ADAM19: variants seen among roughly 807,000 people sequenced by gnomAD.
The protein encoded by ADAM19 is disintegrin and metalloproteinase domain-containing protein 19.
ADAM19 carries 65 observed loss-of-function variants against 114.7 expected under a neutral mutation model. The ratio of observed to expected loss-of-function variants is 0.57; its 90% confidence interval spans 0.46 to 0.70. The LOEUF is 0.70. Among genes scored for constraint, ADAM19 ranks in the 30% least tolerant of loss-of-function variants. The pLI is 0.00. For missense variants in ADAM19, 1,063 were observed against 1,204.7 expected (o/e 0.88, Z 1.74); for synonymous variants, 466 against 460.5 (o/e 1.01, Z -0.15).
Position 157,575,735 on chromosome 5 carries a change from T to G in ADAM19, c.-39A>C. 2 of 1,279,386 alleles carry G rather than the reference T, an allele frequency of 1.6e-6. No homozygotes were observed. Among genetic ancestry groups the G allele is most frequent in the Non-Finnish European group, 2.0e-6 (2 of 1,010,940 alleles). 79.3% of individuals were successfully genotyped at this position (1,279,386 alleles called of 1,614,324 possible). A position where few individuals can be genotyped will look rare whatever the true frequency, so the allele number is the denominator to read the frequency against. Reference sequence around the variant, plus strand: ...CTTAGCGCTCGGCGCTCACACGCCCTCAGCCATACCTGCCCACTGCCCGGC... The same window carrying G: ...CTTAGCGCTCGGCGCTCACACGCCCGCAGCCATACCTGCCCACTGCCCGGC... On this transcript the variant is annotated 5_prime_UTR_variant, in exon 1 of 23. Coordinates refer to ENST00000257527, the MANE Select transcript of ADAM19 (RefSeq NM_033274.5).
chr5:157,536,854 CA>C (rs968104267), intron 4 of ADAM19, among the ~76,000 whole-genome samples: 1 of 152,190 alleles, frequency 6.6e-6, no homozygotes, highest in Non-Finnish European at 1.5e-5. Flanking sequence ...TGCTGTTCTC[CA>C]CACCACAACT....
Position 157,488,412 on chromosome 5 carries a change from C to T in ADAM19, c.2403G>A (p.Gly801=), listed in dbSNP as rs1755025936. 4 of 1,613,850 alleles carry T rather than the reference C, an allele frequency of 2.5e-6. No homozygotes were observed. The highest frequency in any genetic ancestry group is 3.4e-6 in the Non-Finnish European group (4 of 1,179,896). The part of the protein sequence containing the change: ...PRPPPDYLRG[G]SPPAPLPAHL... Reference sequence around the variant, plus strand: ...GAGCTGGCAGTGGTGCAGGTGGGGACCCACCACGCAGATAATCTGGAGGGG... The same window carrying T: ...GAGCTGGCAGTGGTGCAGGTGGGGATCCACCACGCAGATAATCTGGAGGGG... The change falls in exon 21 of 23, where the codon GGG becomes GGA. Residue 801 remains glycine, a synonymous_variant. Transcript: ENST00000257527.
chr5:157,571,075 T>C, intron 1 of ADAM19, 95 bp from the exon 2 acceptor site: 1 of 1,003,498 alleles, frequency 1.0e-6, no homozygotes, highest in Middle Eastern at 2.6e-4. Context: ...CTGCACTGGG[T>C]CATTAGAAGA....
chr5:157,482,622 G>T (rs796651571), intron 21 of ADAM19, among the ~76,000 whole-genome samples: 11 of 152,246 alleles, frequency 7.2e-5, no homozygotes, highest in African/African-American at 2.6e-4. Flanking sequence ...TCTGCATATG[G>T]CTAGACAGTT....
At chr5:157,551,934 G>A (rs191420886) in intron 3 of ADAM19, among the ~76,000 whole-genome samples, 1 of 152,234 alleles carries the variant, frequency 6.6e-6, no homozygotes, top group Admixed American at 6.5e-5. Context: ...TTGAGACCAG[G>A]AGTTTGAGAC....
chr5:157,505,762 T>A lies in ADAM19; in HGVS notation c.1037A>T (p.Glu346Val). Residue 346 changes from glutamate to valine, a missense_variant, in exon 11 of 23, where the codon GAG becomes GTG. Around this residue, in one of 3 missense-constraint regions of ADAM19, gnomAD observed 615 missense variants for 706.3 expected, o/e 0.87. Transcript: ENST00000257527. ...AIGVAATMAH[E>V]MGHNFGMTHD... ...GGTCATGCCAAAGTTGTGGCCCATC[T>A]CGTGGGCCATGGTGGCAGCCACGCC... 1 of 1,614,102 alleles carries A rather than the reference T, an allele frequency of 6.2e-7. No individual in the cohort carries two copies.
intron 3 of ADAM19, among the ~76,000 whole-genome samples, chr5:157,551,411 C>CAAAA (rs1307546089): frequency 0.013 from 925 of 73,022 alleles, 4 homozygotes; most frequent in Non-Finnish European, 0.014. Flanking sequence ...CCCCCCAACC[C>CAAAA]CAAAAAAAAA....
At chr5:157,528,191 A>C (rs1451307840) in intron 5 of ADAM19, among the ~76,000 whole-genome samples, 1 of 152,214 alleles carries the variant, frequency 6.6e-6, no homozygotes, top group African/African-American at 2.4e-5. Context: ...CAGCTCTTAA[A>C]TCAGTCCACC....
Position 157,567,161 on chromosome 5 carries a change from A to G in ADAM19, c.181-2718T>C, listed in dbSNP as rs904072407. The stretch of plus-strand genomic sequence containing the variant: ...TTCCTCGCTGCAAACCCCACTCTGC[A>G]TTAGGATTTGGGCATTTCTGAGACT... On this transcript the variant is annotated intron_variant, in intron 2 of 22. Transcript: ENST00000257527. 3.9e-5 allele frequency among the ~76,000 whole-genome samples: 6 copies of G among 152,188 alleles called. No individual in the cohort carries two copies. In the South Asian group the frequency reaches 1.2e-3, roughly 31 times the overall value.
At chr5:157,490,530 C>T in intron 18 of ADAM19, 76 bp from the exon 19 acceptor site, 10 of 1,521,542 alleles carry the variant, frequency 6.6e-6, no homozygotes, top group Non-Finnish European at 9.0e-6. Flanking sequence ...GGTATTCGTG[C>T]TTCTTCTTCA....
At chr5:157,559,651 G>A (rs892299959) in intron 3 of ADAM19, among the ~76,000 whole-genome samples, 2 of 152,172 alleles carry the variant, frequency 1.3e-5, no homozygotes, top group Non-Finnish European at 2.9e-5. Flanking sequence ...TGTCAAATAT[G>A]GGTTCCTGGG....
intron 1 of ADAM19, among the ~76,000 whole-genome samples, chr5:157,571,852 C>T (rs368088783): frequency 6.8e-4 from 103 of 152,156 alleles, no homozygotes; most frequent in African/African-American, 2.4e-3. Flanking sequence ...CTTTAGTTTT[C>T]TTGCCTGTAA....
Position 157,575,765 on chromosome 5 carries a change from G to GGC in ADAM19, c.-70_-69insGC. On this transcript the variant is annotated 5_prime_UTR_variant, in exon 1 of 23. Transcript: ENST00000257527. The stretch of plus-strand genomic sequence containing the variant: ...CATACCTGCCCACTGCCCGGCGGTG[G>GGC]AGGCGCGTCTGGAACCCCCCGGCTC... The GGC allele has an allele frequency of 1.7e-6, 2 of 1,175,056 alleles. No homozygotes were observed. The highest frequency in any genetic ancestry group is 2.1e-6 in the Non-Finnish European group (2 of 932,200). 72.8% of individuals were successfully genotyped at this position (1,175,056 alleles called of 1,614,324 possible).
intron 11 of ADAM19, among the ~76,000 whole-genome samples, chr5:157,505,394 C>T (rs1755710760): frequency 6.6e-6 from 1 of 152,214 alleles, no homozygotes; most frequent in African/African-American, 2.4e-5. Context: ...AAAAAAGACA[C>T]ATATGGCCAA....
At chr5:157,488,979 G>A (rs2113693402) in intron 20 of ADAM19, 123 bp downstream of exon 20, 4 of 722,140 alleles carry the variant, frequency 5.5e-6, no homozygotes, top group Non-Finnish European at 7.2e-6. Flanking sequence ...GCAGTGAGCT[G>A]AGATGGCGCC....
At chr5:157,522,854 A>G (rs1359935787) in intron 5 of ADAM19, among the ~76,000 whole-genome samples, 1 of 152,182 alleles carries the variant, frequency 6.6e-6, no homozygotes, top group Non-Finnish European at 1.5e-5. Flanking sequence ...GGCTCCAGTG[A>G]TGGTGCCAGC....
At chr5:157,513,728 T>C (rs1049913471) in intron 7 of ADAM19, among the ~76,000 whole-genome samples, 7 of 152,322 alleles carry the variant, frequency 4.6e-5, no homozygotes, top group Non-Finnish European at 7.4e-5. Context: ...GCACACACAG[T>C]AGGCATGCAA....
intron 7 of ADAM19, among the ~76,000 whole-genome samples, chr5:157,514,376 C>T (rs1256234493): frequency 6.7e-6 from 1 of 149,552 alleles, no homozygotes; most frequent in Non-Finnish European, 1.5e-5. Flanking sequence ...GTTGCCCAGG[C>T]TGGAGTGCAG....
At chr5:157,539,926 T>C (rs1188435714) in intron 3 of ADAM19, among the ~76,000 whole-genome samples, 1 of 152,222 alleles carries the variant, frequency 6.6e-6, no homozygotes, top group Admixed American at 6.5e-5. Context: ...TTCAGTGTAC[T>C]AGCAGCTTAG....
Sources: gnomAD v4.1 joint callset for allele counts (sites outside exome capture counted in the v4.1 genomes callset) on GRCh38, gnomAD v4.1.1 for gene constraint, gnomAD v4.1.1 regional missense constraint, MANE v1.5 for transcripts, NCBI Gene and HGNC (gene_info 2026-07-23, HGNC 2026-07-21) for gene names.